Variants in PAK5 observed in about 807,000 individuals in gnomAD.
PAK5 encodes serine/threonine-protein kinase PAK 5.
Under a neutral mutation model 65.9 loss-of-function variants are expected in PAK5, and 16 were observed. That is an observed-to-expected ratio of 0.24 (90% CI 0.16 to 0.37). PAK5 has a LOEUF of 0.37. PAK5 is among the 10% of genes least tolerant of loss of function. The pLI is 1.00. For missense variants in PAK5, 785 were observed against 903.9 expected, an observed-to-expected ratio of 0.87 and a Z score of 1.69; for synonymous variants, 371 against 354.9, an observed-to-expected ratio of 1.05 and a Z score of -0.51.
intron 1 of PAK5, among the ~76,000 whole-genome samples, chr20:9,834,600 T>C (rs539086678): frequency 6.6e-6 from 1 of 152,256 alleles, no homozygotes; most frequent in Non-Finnish European, 1.5e-5. Flanking sequence ...AAGCACACAT[T>C]TCCTATTTCA....
intron 1 of PAK5, among the ~76,000 whole-genome samples, chr20:9,796,960 G>A (rs1034641164): frequency 3.3e-5 from 5 of 151,938 alleles, no homozygotes; most frequent in Admixed American, 1.3e-4. Context: ...CTGAGGAATC[G>A]CCACACTGTC....
At position 9,543,341 on chromosome 20, in the gene PAK5, G is replaced by A. The variant is rs73895904; in HGVS notation, c.1870-621C>T. 3.2e-3 allele frequency among the ~76,000 whole-genome samples: 485 copies of A among 152,128 alleles called. 3 individuals carry two copies. Among genetic ancestry groups the A allele is most frequent in the African/African-American group, 0.011 (468 of 41,512 alleles). The stretch of plus-strand genomic sequence containing the variant: ...AGCAAGTAGTAAAGAATGGGAAGTC[G>A]AGACAATGAGGAGCCATCACTGTGC... On this transcript the variant is annotated intron_variant, in intron 8 of 9. Coordinates refer to ENST00000353224, the MANE Select transcript of PAK5 (RefSeq NM_177990.4).
At chr20:9,625,610 C>T (rs1265004622) in intron 3 of PAK5, among the ~76,000 whole-genome samples, 1 of 152,056 alleles carries the variant, frequency 6.6e-6, no homozygotes, top group Non-Finnish European at 1.5e-5. Context: ...CTATGTTTCT[C>T]AGGCTAGAGT....
rs577431913 is a variant in PAK5 at position 9,737,584 on chromosome 20, G to A, written c.-161-26149C>T. 6.6e-5 allele frequency among the ~76,000 whole-genome samples: 10 copies of A among 152,114 alleles called. No individual in the cohort carries two copies. In the South Asian group the frequency reaches 1.7e-3, roughly 25 times the overall value. ...CTCAATAACTGATAGAATAAATACA[G>A]AGAAAATGTTTTAATTGCAGTAGTA... On this transcript the variant is annotated intron_variant, in intron 1 of 9. Coordinates refer to ENST00000353224, the MANE Select transcript of PAK5 (RefSeq NM_177990.4).
chr20:9,558,304 G>T lies in PAK5; in HGVS notation c.1617-570C>A, dbSNP rs139337502. Among the ~76,000 whole-genome samples the T allele has an allele frequency of 1.3e-3, 194 of 151,802 alleles. 2 individuals are homozygous for T. In the East Asian group the frequency reaches 0.032, roughly 25 times the overall value. Reference sequence around the variant, plus strand: ...TTTTTGTATTTTTAATAGAGATAGGGTTTCACCATATTGGCCAGCCTGGTC... The same window carrying T: ...TTTTTGTATTTTTAATAGAGATAGGTTTTCACCATATTGGCCAGCCTGGTC... On this transcript the variant is annotated intron_variant, in intron 6 of 9. Coordinates refer to ENST00000353224, the MANE Select transcript of PAK5 (RefSeq NM_177990.4).
chr20:9,604,075 A>C (rs918824618), intron 3 of PAK5, among the ~76,000 whole-genome samples: 1 of 152,258 alleles, frequency 6.6e-6, no homozygotes, highest in Non-Finnish European at 1.5e-5. Flanking sequence ...GCAATAACTT[A>C]AACACATCCT....
intron 2 of PAK5, among the ~76,000 whole-genome samples, chr20:9,705,561 A>G (rs1188897173): frequency 1.3e-5 from 2 of 152,100 alleles, no homozygotes; most frequent in Non-Finnish European, 2.9e-5. Context: ...GACCACTTAT[A>G]CCATTTTGAT....
chr20:9,674,671 T>C (rs928314969), intron 2 of PAK5, among the ~76,000 whole-genome samples: 8 of 152,198 alleles, frequency 5.3e-5, no homozygotes, highest in Admixed American at 2.6e-4. Flanking sequence ...GTGATTTAAA[T>C]GCTCGAGATT....
intron 3 of PAK5, among the ~76,000 whole-genome samples, chr20:9,627,049 C>T (rs1486399845): frequency 1.3e-5 from 2 of 152,140 alleles, no homozygotes; most frequent in Non-Finnish European, 2.9e-5. Flanking sequence ...TCAGTGCTCT[C>T]AAGTGGTAAA....
chr20:9,671,500 A>C (rs1215195970), intron 2 of PAK5, among the ~76,000 whole-genome samples: 1 of 151,894 alleles, frequency 6.6e-6, no homozygotes, highest in Non-Finnish European at 1.5e-5. Context: ...GTCCCTTGTA[A>C]GTTGGATTCC....
At chr20:9,574,894 A>ACTGT (rs1284224373) in intron 4 of PAK5, among the ~76,000 whole-genome samples, 1 of 152,128 alleles carries the variant, frequency 6.6e-6, no homozygotes, top group Non-Finnish European at 1.5e-5. Context: ...TTTCACTAGC[A>ACTGT]CTGTCATTCC....
At chr20:9,597,264 G>A (rs1269172680) in intron 3 of PAK5, among the ~76,000 whole-genome samples, 1 of 152,170 alleles carries the variant, frequency 6.6e-6, no homozygotes, top group Non-Finnish European at 1.5e-5. Context: ...CTCTCTCCAT[G>A]TCTCAGCTAA....
At chr20:9,597,841 G>T (rs1172110442) in intron 3 of PAK5, among the ~76,000 whole-genome samples, 1 of 152,206 alleles carries the variant, frequency 6.6e-6, no homozygotes, top group East Asian at 1.9e-4. Flanking sequence ...AGGCCAGCCA[G>T]CCTCTAGCCA....
At chr20:9,542,876 C>T (rs914371124) in intron 8 of PAK5, among the ~76,000 whole-genome samples, 156 bp from the exon 9 acceptor site, 1 of 152,148 alleles carries the variant, frequency 6.6e-6, no homozygotes, top group African/African-American at 2.4e-5. Context: ...GCTGGGTTAC[C>T]GAGTTTTTGC....
chr20:9,762,642 A>G (rs1277864970), intron 1 of PAK5, among the ~76,000 whole-genome samples: 1 of 152,178 alleles, frequency 6.6e-6, no homozygotes, highest in Non-Finnish European at 1.5e-5. Context: ...GATATGGAGA[A>G]AATGGGACTC....
intron 1 of PAK5, among the ~76,000 whole-genome samples, chr20:9,836,626 T>G (rs1170562337): frequency 3.9e-5 from 6 of 152,170 alleles, no homozygotes; most frequent in Non-Finnish European, 7.4e-5. Context: ...ATTTCTGTGG[T>G]TTTAAGCCAC....
chr20:9,806,581 T>A (rs1340719354), intron 1 of PAK5, among the ~76,000 whole-genome samples: 1 of 152,094 alleles, frequency 6.6e-6, no homozygotes, highest in Non-Finnish European at 1.5e-5. Context: ...CGAAAATGAG[T>A]TTGTCCTGCA....
At chr20:9,594,093 A>T (rs1339655917) in intron 3 of PAK5, among the ~76,000 whole-genome samples, 2 of 152,160 alleles carry the variant, frequency 1.3e-5, no homozygotes, top group African/African-American at 4.8e-5. Context: ...TCATCGTTCT[A>T]GGGTTCAGTA....
chr20:9,795,790 T>C (rs1182892918), intron 1 of PAK5, among the ~76,000 whole-genome samples: 1 of 151,848 alleles, frequency 6.6e-6, no homozygotes, highest in Non-Finnish European at 1.5e-5. Flanking sequence ...AAAGTCCCAG[T>C]AGAAATCCTG....
Sources: gnomAD v4.1 joint callset for allele counts (sites outside exome capture counted in the v4.1 genomes callset) on GRCh38, gnomAD v4.1.1 for gene constraint, MANE v1.5 for transcripts, NCBI Gene and HGNC (gene_info 2026-07-23, HGNC 2026-07-21) for gene names.